The following DNAH12 variants were observed in gnomAD, a reference collection of about 807,000 sequenced individuals.
DNAH12 encodes the protein axonemal beta dynein heavy chain 12.
Under a neutral mutation model 371.5 loss-of-function variants are expected in DNAH12, and 285 were observed. That is an observed-to-expected ratio of 0.77 (90% confidence interval 0.70 to 0.85). The LOEUF (loss-of-function observed/expected upper bound fraction) is 0.85. Ranked by LOEUF, DNAH12 falls within the 40% of genes least tolerant of loss-of-function variation. The pLI, the probability that DNAH12 is intolerant of heterozygous loss-of-function variation, is 0.00. For missense variants in DNAH12, 3,611 were observed against 3,689.4 expected, an observed-to-expected ratio of 0.98 and a Z score of 0.55; for synonymous variants, 1,200 against 1,213.0, an observed-to-expected ratio of 0.99 and a Z score of 0.22.
chr3:57,322,779 A>T (rs910846375), intron 64 of DNAH12, among the ~76,000 whole-genome samples: 1 of 152,172 alleles, frequency 6.6e-6, no homozygotes, highest in Non-Finnish European at 1.5e-5. Flanking sequence ...AAAATACAAA[A>T]ATTAGCCGAG....
At chr3:57,387,818 A>G (rs2153345847) in intron 45 of DNAH12, among the ~76,000 whole-genome samples, 1 of 152,254 alleles carries the variant, frequency 6.6e-6, no homozygotes, top group Admixed American at 6.5e-5. Flanking sequence ...TCCAGCAGCC[A>G]CCTCAGGTCA....
chr3:57,396,845 C>T (rs1468547943), intron 43 of DNAH12, among the ~76,000 whole-genome samples: 9 of 152,174 alleles, frequency 5.9e-5, no homozygotes, highest in African/African-American at 1.2e-4. Flanking sequence ...GGTGAAATCC[C>T]GTCTCTACTA....
intron 70 of DNAH12, among the ~76,000 whole-genome samples, chr3:57,300,581 A>C (rs2061325049): frequency 6.6e-6 from 1 of 152,136 alleles, no homozygotes; most frequent in African/African-American, 2.4e-5. Flanking sequence ...AAAGAAGCAT[A>C]GGCTCACTAG....
rs536954172 is a variant in DNAH12 at position 57,324,726 on chromosome 3, A to G, written c.9979-1107T>C. 2.6e-5 allele frequency among the ~76,000 whole-genome samples: 4 copies of G among 152,338 alleles called. No individual in the cohort carries two copies. The South Asian group carries it at 8.3e-4, about 32-fold the overall frequency. On this transcript the variant is annotated intron_variant, in intron 62 of 73. Coordinates refer to ENST00000495027, the MANE Select transcript of DNAH12 (RefSeq NM_001366028.2). ...GAGTGCCAGACAGTGGGCGCAGGTC[A>G]GTGGGTGCAGCGCACCATGCACAAG...
Position 57,345,964 on chromosome 3 carries a change from G to C in DNAH12, c.9674+6121C>G, listed in dbSNP as rs2062531767. 2.0e-5 allele frequency among the ~76,000 whole-genome samples: 3 copies of C among 152,130 alleles called. No individual in the cohort carries two copies. The South Asian group carries it at 6.2e-4, about 32-fold the overall frequency. Reference sequence around the variant, plus strand: ...CAGTATATTTATTTTTTAAAAATCTGTGTATAAGTGGACTGCTGCAGTTGA... The same window carrying C: ...CAGTATATTTATTTTTTAAAAATCTCTGTATAAGTGGACTGCTGCAGTTGA... On this transcript the variant is annotated intron_variant, in intron 60 of 73. Transcript: ENST00000495027.
chr3:57,361,917 GGTTT>G (rs2062945674), intron 58 of DNAH12, among the ~76,000 whole-genome samples: 3 of 152,114 alleles, frequency 2.0e-5, no homozygotes, highest in South Asian at 4.2e-4. Context: ...ACAATGTGCA[GGTTT>G]GTTACACATG....
intron 59 of DNAH12, among the ~76,000 whole-genome samples, chr3:57,355,079 T>C (rs1229132243): frequency 6.6e-6 from 1 of 152,220 alleles, no homozygotes; most frequent in Non-Finnish European, 1.5e-5. Flanking sequence ...ATTATCATGG[T>C]TGTGATATTG....
intron 67 of DNAH12, 111 bp from the exon 68 acceptor site, chr3:57,309,965 G>A: frequency 1.2e-6 from 1 of 840,964 alleles, no homozygotes; most frequent in Non-Finnish European, 1.7e-6. Flanking sequence ...TATGTGAGTT[G>A]AAGCCAATTA....
At chr3:57,483,633 T>A in intron 12 of DNAH12, 122 bp from the exon 13 acceptor site, 1 of 1,135,838 alleles carries the variant, frequency 8.8e-7, no homozygotes, top group Non-Finnish European at 1.2e-6. Context: ...ATTGCTTGAT[T>A]CACTAAGGTA....
rs528014743 is a variant in DNAH12, at chr3:57,323,273, C to CA, written c.10130-14dup. The CA allele has an allele frequency of 2.0e-5, 31 of 1,536,508 alleles. No homozygotes were observed. Among genetic ancestry groups the CA allele is most frequent in the Non-Finnish European group, 2.7e-5 (31 of 1,142,354 alleles). ...AATTTCAGCAGGCCTATAAGAGGCA[C>CA]AAAAAAATGGTCACACTACTTACTC... On this transcript the variant is annotated splice_polypyrimidine_tract_variant and intron_variant, in intron 63 of 73. Coordinates refer to ENST00000495027, the MANE Select transcript of DNAH12 (RefSeq NM_001366028.2).
At chr3:57,389,004 G>A (rs1236995061) in intron 45 of DNAH12, among the ~76,000 whole-genome samples, 1 of 152,092 alleles carries the variant, frequency 6.6e-6, no homozygotes, top group Non-Finnish European at 1.5e-5. Flanking sequence ...GTATACATAT[G>A]TAACAAACCT....
At chr3:57,447,967 A>C (rs1333840836) in intron 25 of DNAH12, among the ~76,000 whole-genome samples, 1 of 152,140 alleles carries the variant, frequency 6.6e-6, no homozygotes, top group East Asian at 1.9e-4. Context: ...GAGCTACCAC[A>C]CCTGGCCAAC....
At chr3:57,514,938 A>G (rs1188294831) in intron 4 of DNAH12, among the ~76,000 whole-genome samples, 2 of 152,220 alleles carry the variant, frequency 1.3e-5, no homozygotes, top group Non-Finnish European at 2.9e-5. Flanking sequence ...CAGTAGTATG[A>G]GTTAGCAATT....
At chr3:57,330,918 C>T (rs919545302) in intron 62 of DNAH12, among the ~76,000 whole-genome samples, 4 of 152,004 alleles carry the variant, frequency 2.6e-5, no homozygotes, top group Non-Finnish European at 1.5e-5. Flanking sequence ...AATCAATTCC[C>T]CTCCCCTGTT....
intron 30 of DNAH12, among the ~76,000 whole-genome samples, chr3:57,434,299 ATTAC>A: frequency 6.6e-6 from 1 of 152,282 alleles, no homozygotes; most frequent in East Asian, 1.9e-4. Context: ...AATGATGGGC[ATTAC>A]TTCCAAGCAG....
chr3:57,477,562 C>A (rs2153382328), intron 13 of DNAH12, among the ~76,000 whole-genome samples: 1 of 152,280 alleles, frequency 6.6e-6, no homozygotes, highest in Non-Finnish European at 1.5e-5. Context: ...TGTCTGACAA[C>A]TTTGAAGAGA....
intron 72 of DNAH12, 117 bp downstream of exon 72, chr3:57,296,227 G>C: frequency 1.6e-6 from 1 of 633,044 alleles, no homozygotes; most frequent in Non-Finnish European, 2.6e-6. Flanking sequence ...TTATGTGAGA[G>C]TTCTGATGTT....
At chr3:57,527,053 T>C (rs2153399182) in intron 2 of DNAH12, among the ~76,000 whole-genome samples, 1 of 152,366 alleles carries the variant, frequency 6.6e-6, no homozygotes, top group South Asian at 2.1e-4. Flanking sequence ...CAGGCTCGTC[T>C]CAAACTCCTG....
chr3:57,483,302 T>A, intron 13 of DNAH12, 74 bp downstream of exon 13: 1 of 1,494,588 alleles, frequency 6.7e-7, no homozygotes, highest in Non-Finnish European at 9.0e-7. Flanking sequence ...AACTATATAT[T>A]TTATACATCT....
Sources: gnomAD v4.1 joint callset for allele counts (sites outside exome capture counted in the v4.1 genomes callset) on GRCh38, gnomAD v4.1.1 for gene constraint, MANE v1.5 for transcripts, NCBI Gene and HGNC (gene_info 2026-07-23, HGNC 2026-07-21) for gene names.